Variants in GTF2H4 observed in about 807,000 individuals in gnomAD.
GTF2H4 encodes general transcription factor IIH subunit 4.
In GTF2H4, 49 loss-of-function variants were observed where a neutral mutation model predicts 62.2. The ratio of observed to expected loss-of-function variants is 0.79; its 90% CI spans 0.63 to 1.00. GTF2H4 has a LOEUF of 1.00. Among genes scored for constraint, GTF2H4 ranks in the 50% least tolerant of loss-of-function variants. The pLI is 0.00. For missense variants in GTF2H4, 479 were observed against 587.8 expected (o/e 0.81, Z 1.91); for synonymous variants, 189 against 233.8 (o/e 0.81, Z 1.75).
In GTF2H4 at chr6:30,911,261, A is replaced by T; in HGVS notation, c.664A>T (p.Thr222Ser). ...GTACTTTATGTTGCAGTATTTGCAG[A>T]CAGCCCAGGTGAGGAGGCAGGGCCA... The part of the protein sequence containing the change: ...LWYFMLQYLQ[T>S]AQSRGMDLVE... The change falls in exon 7 of 14, where the codon ACA becomes TCA. Residue 222 changes from threonine to serine, a missense_variant. Coordinates refer to ENST00000259895, the MANE Select transcript of GTF2H4 (RefSeq NM_001517.5). This position sits in a 1 kb window ranked among gnomAD's most constrained non-coding sequence, Gnocchi z 4.3. 1 of 1,612,822 alleles carries T rather than the reference A, an allele frequency of 6.2e-7. No homozygotes were observed. Among genetic ancestry groups the T allele is most frequent in the Non-Finnish European group, 8.5e-7 (1 of 1,179,510 alleles).
chr6:30,909,160 C>T lies in GTF2H4; in HGVS notation c.124C>T (p.Leu42=). Reference sequence around the variant, plus strand: ...ATTGTATGGGCACCCTGCCACATGTCTGGCTGTCTTCAGGTGAGAAGCCCC... The same window carrying T: ...ATTGTATGGGCACCCTGCCACATGTTTGGCTGTCTTCAGGTGAGAAGCCCC... The part of the protein sequence containing the change: ...DRLYGHPATC[L]AVFRELPSLA... The change falls in exon 2 of 14, where the codon CTG becomes TTG. Residue 42 remains leucine, a synonymous_variant. Coordinates refer to ENST00000259895, the MANE Select transcript of GTF2H4 (RefSeq NM_001517.5). This position sits in a 1 kb window ranked among gnomAD's most constrained non-coding sequence, Gnocchi z 4.3. The T allele has an allele frequency of 6.2e-7, 1 of 1,613,546 alleles. No individual in the cohort carries two copies. Among genetic ancestry groups the T allele is most frequent in the Middle Eastern group, 1.7e-4 (1 of 6,038 alleles).
At position 30,912,991 on chromosome 6, in the gene GTF2H4, A is replaced by G. The variant is rs1005658139; in HGVS notation, c.1090-119A>G. ...AGCTGAACTGGGATGGGTGGAGTTG[A>G]TGACAGGAGTTATGAGTTTTTAGAA... On this transcript the variant is annotated intron_variant, in intron 11 of 13. Coordinates refer to ENST00000259895, the MANE Select transcript of GTF2H4 (RefSeq NM_001517.5). This position sits in a 1 kb window ranked among gnomAD's most constrained non-coding sequence, Gnocchi z 4.8. 7 of 940,558 alleles carry G rather than the reference A, an allele frequency of 7.4e-6. No individual in the cohort carries two copies. In the African/African-American group the frequency reaches 9.8e-5, roughly 13 times the overall value. The allele number at this position is 940,558 out of a possible 1,614,324, so 58.3% of individuals were successfully genotyped here.
In GTF2H4 at chr6:30,909,417, A is replaced by G. The variant is rs1255935316; in HGVS notation, c.138-18A>G. On this transcript the variant is annotated intron_variant, in intron 2 of 13. Coordinates refer to ENST00000259895, the MANE Select transcript of GTF2H4 (RefSeq NM_001517.5). This position sits in a 1 kb window ranked among gnomAD's most constrained non-coding sequence, Gnocchi z 4.3. ...ATGCAGCTTCTGATACTAACCTTTG[A>G]CCTCTGTTCCTGTACAGGGAGCTCC... 2 of 1,553,796 alleles carry G rather than the reference A, an allele frequency of 1.3e-6. No individual in the cohort carries two copies. The highest frequency in any genetic ancestry group is 2.2e-5 in the South Asian group (2 of 89,266).
rs771378863 is a variant in GTF2H4 at position 30,913,337 on chromosome 6, A to G, written c.1166A>G (p.Asp389Gly). 1 of 1,613,372 alleles carries G rather than the reference A, an allele frequency of 6.2e-7. No homozygotes were observed. Among genetic ancestry groups the G allele is most frequent in the East Asian group, 2.2e-5 (1 of 44,886 alleles). Reference protein sequence around the residue: ...QTPVLPPTITDQIRLWELERD... With the variant: ...QTPVLPPTITGQIRLWELERD... ...CCTGTGCTGCCCCCCACCATCACCG[A>G]CCAGATCCGGCTCTGGGAGCTGGAA... The change falls in exon 13 of 14, where the codon GAC (aspartate) becomes GGC (glycine). Residue 389 changes from aspartate (D) to glycine (G), a missense_variant. Coordinates refer to ENST00000259895, the MANE Select transcript of GTF2H4 (RefSeq NM_001517.5). The surrounding 1 kb of genome is among the most constrained non-coding windows in gnomAD (Gnocchi z 4.2).
Position 30,910,905 on chromosome 6 carries a change from T to C in GTF2H4, c.524T>C (p.Leu175Ser). 1 of 1,611,648 alleles carries C rather than the reference T, an allele frequency of 6.2e-7. No homozygotes were observed. The highest frequency in any genetic ancestry group is 8.5e-7 in the Non-Finnish European group (1 of 1,179,460). The change falls in exon 6 of 14, where the codon TTG (leucine) becomes TCG (serine). Residue 175 changes from leucine (L) to serine (S), a missense_variant. Physicochemically the swap from Leu to Ser is moderately radical, Grantham distance 145. Transcript: ENST00000259895. The surrounding 1 kb of genome is among the most constrained non-coding windows in gnomAD (Gnocchi z 4.7). ...GSPSAAVSQD[L>S]AQLLSQAGLM... ...CCCAGTGCAGCTGTCAGCCAGGACT[T>C]GGCTCAGCTCCTCAGCCAGGCTGGG...
At position 30,909,052 on chromosome 6, in the gene GTF2H4, T is replaced by C. The variant is rs945169001; in HGVS notation, c.16T>C (p.Ser6Pro). ...TCCTCAGGTGATGGAGAGCACCCCTTCAAGGGGACTGAACCGAGTACACCT... is the reference window on the plus strand; with the variant it reads ...TCCTCAGGTGATGGAGAGCACCCCTCCAAGGGGACTGAACCGAGTACACCT... Reference protein sequence around the residue: MESTPSRGLNRVHLQC... With the variant: MESTPPRGLNRVHLQC... The change falls in exon 2 of 14, where the codon TCA (serine) becomes CCA (proline). Residue 6 changes from serine (S) to proline (P), a missense_variant. Transcript: ENST00000259895. The surrounding 1 kb of genome is among the most constrained non-coding windows in gnomAD (Gnocchi z 4.3). The C allele has an allele frequency of 3.1e-6, 5 of 1,614,006 alleles. No individual in the cohort carries two copies. The highest frequency in any genetic ancestry group is 1.3e-5 in the African/African-American group (1 of 74,918).
Position 30,913,727 on chromosome 6 carries a change from A to G in GTF2H4, c.1217-84A>G, listed in dbSNP as rs1163163007. ...CAGACCGCGTCCAGGGCTGCCACCA[A>G]GGAGCTGGGGGGATTCCCAATAGGA... is the stretch of plus-strand genomic sequence containing the variant. On this transcript the variant is annotated intron_variant, in intron 13 of 13. Transcript: ENST00000259895. This position sits in a 1 kb window ranked among gnomAD's most constrained non-coding sequence, Gnocchi z 4.2. The G allele has an allele frequency of 3.8e-6, 5 of 1,328,620 alleles. No individual in the cohort carries two copies. In the East Asian group the frequency reaches 1.3e-4, roughly 34 times the overall value. The allele number at this position is 1,328,620 out of a possible 1,614,324, so 82.3% of individuals were successfully genotyped here.
In GTF2H4 at chr6:30,909,788, A is replaced by AATT; in HGVS notation, c.243-143_243-141dup. On this transcript the variant is annotated intron_variant, in intron 3 of 13. Transcript: ENST00000259895. This position sits in a 1 kb window ranked among gnomAD's most constrained non-coding sequence, Gnocchi z 4.3. ...GGCTCTGATAAGTAATGCAGTAAAGAATTTGTCTTAGGAAGATACTAATTT... is the reference window on the plus strand; with the variant it reads ...GGCTCTGATAAGTAATGCAGTAAAGAATTATTTGTCTTAGGAAGATACTAATTT... 1.3e-6 allele frequency: 1 copy of AATT among 778,112 alleles called. No individual in the cohort carries two copies. The highest frequency in any genetic ancestry group is 2.1e-6 in the Non-Finnish European group (1 of 475,970). 48.2% of individuals were successfully genotyped at this position (778,112 alleles called of 1,614,324 possible).
chr6:30,913,345 C>G lies in GTF2H4; in HGVS notation c.1174C>G (p.Arg392Gly), dbSNP rs145276911. The G allele has an allele frequency of 6.4e-5, 104 of 1,613,242 alleles. No individual in the cohort carries two copies. The Middle Eastern group carries it at 8.2e-4, about 13-fold the overall frequency. The stretch of plus-strand genomic sequence containing the variant: ...GCCCCCCACCATCACCGACCAGATC[C>G]GGCTCTGGGAGCTGGAAAGGGACAG... ...VLPPTITDQI[R>G]LWELERDRLR... The change falls in exon 13 of 14, where the codon CGG becomes GGG. Residue 392 changes from arginine (R) to glycine (G), a missense_variant. Coordinates refer to ENST00000259895, the MANE Select transcript of GTF2H4 (RefSeq NM_001517.5). The surrounding 1 kb of genome is among the most constrained non-coding windows in gnomAD (Gnocchi z 4.2).
chr6:30,913,283 C>T lies in GTF2H4; in HGVS notation c.1138-26C>T, dbSNP rs1435909300. ...TTGTCTGGGGCAGTATTCTGAGTCCCTACAGTCAACCCTTGCTCCTTGCAG... is the reference window on the plus strand; with the variant it reads ...TTGTCTGGGGCAGTATTCTGAGTCCTTACAGTCAACCCTTGCTCCTTGCAG... On this transcript the variant is annotated intron_variant, in intron 12 of 13. Coordinates refer to ENST00000259895, the MANE Select transcript of GTF2H4 (RefSeq NM_001517.5). This position sits in a 1 kb window ranked among gnomAD's most constrained non-coding sequence, Gnocchi z 4.2. The T allele has an allele frequency of 3.7e-6, 6 of 1,613,706 alleles. No homozygotes were observed. The South Asian group carries it at 4.4e-5, about 12-fold the overall frequency.
Position 30,911,921 on chromosome 6 carries a change from G to T in GTF2H4, c.826-93G>T. Reference sequence around the variant, plus strand: ...CGGGGGAGAGAAGTTGGGGGTTGAGGTTCTGCATCTTGGGAGGGATCTGAT... The same window carrying T: ...CGGGGGAGAGAAGTTGGGGGTTGAGTTTCTGCATCTTGGGAGGGATCTGAT... On this transcript the variant is annotated intron_variant, in intron 9 of 13. Coordinates refer to ENST00000259895, the MANE Select transcript of GTF2H4 (RefSeq NM_001517.5). This position sits in a 1 kb window ranked among gnomAD's most constrained non-coding sequence, Gnocchi z 4.3. 1 of 1,516,870 alleles carries T rather than the reference G, an allele frequency of 6.6e-7. No homozygotes were observed. Among genetic ancestry groups the T allele is most frequent in the Non-Finnish European group, 9.0e-7 (1 of 1,108,820 alleles). 94.0% of individuals were successfully genotyped at this position (1,516,870 alleles called of 1,614,324 possible). A position where few individuals can be genotyped will look rare whatever the true frequency, so the allele number is the denominator to read the frequency against.
Position 30,912,318 on chromosome 6 carries a change from C to G in GTF2H4, c.959-10C>G. The G allele has an allele frequency of 6.2e-7, 1 of 1,612,816 alleles. No individual in the cohort carries two copies. The highest frequency in any genetic ancestry group is 8.5e-7 in the Non-Finnish European group (1 of 1,179,966). ...GTGGCCTCCTCATCCTCTTTCTATC[C>G]CTGGCTCAGAGTCGGAGCTGCAGAT... On this transcript the variant is annotated splice_polypyrimidine_tract_variant and intron_variant, in intron 10 of 13. Coordinates refer to ENST00000259895, the MANE Select transcript of GTF2H4 (RefSeq NM_001517.5). This position sits in a 1 kb window ranked among gnomAD's most constrained non-coding sequence, Gnocchi z 4.8.
Position 30,911,203 on chromosome 6 carries a change from G to A in GTF2H4, c.606G>A (p.Gln202=). The A allele has an allele frequency of 6.2e-7, 1 of 1,613,734 alleles. No individual in the cohort carries two copies. The highest frequency in any genetic ancestry group is 2.2e-5 in the East Asian group (1 of 44,882). ...EPPCITSAGF[Q]FLLLDTPAQL... ...CCTGCATTACTTCCGCTGGCTTCCA[G>A]TTCCTGTTGCTGGACACCCCGGCTC... The change falls in exon 7 of 14, where the codon CAG becomes CAA. Residue 202 remains glutamine (Q), a synonymous_variant. Transcript: ENST00000259895. The surrounding 1 kb of genome is among the most constrained non-coding windows in gnomAD (Gnocchi z 4.3).
Position 30,912,469 on chromosome 6 carries a change from T to C in GTF2H4, c.1089+11T>C, listed in dbSNP as rs1449839060. ...ATCACAGCCCAGCAGGTATTCCCAC[T>C]TGGGAGAGGTGGAGCAGGAAGACAG... On this transcript the variant is annotated intron_variant, in intron 11 of 13. Coordinates refer to ENST00000259895, the MANE Select transcript of GTF2H4 (RefSeq NM_001517.5). This position sits in a 1 kb window ranked among gnomAD's most constrained non-coding sequence, Gnocchi z 4.8. 6.2e-7 allele frequency: 1 copy of C among 1,611,640 alleles called. No individual in the cohort carries two copies. Among genetic ancestry groups the C allele is most frequent in the East Asian group, 2.2e-5 (1 of 44,864 alleles).
chr6:30,911,188 T>C lies in GTF2H4; in HGVS notation c.591T>C (p.Thr197=), dbSNP rs141405959. 56 of 1,613,724 alleles carry C rather than the reference T, an allele frequency of 3.5e-5. No homozygotes were observed. The African/African-American group carries it at 5.5e-4, about 16-fold the overall frequency. ...STEPGEPPCI[T]SAGFQFLLLD... is the part of the protein sequence containing the mutation. ...AACCTGGAGAGCCGCCCTGCATTACTTCCGCTGGCTTCCAGTTCCTGTTGC... is the reference window on the plus strand; with the variant it reads ...AACCTGGAGAGCCGCCCTGCATTACCTCCGCTGGCTTCCAGTTCCTGTTGC... The change falls in exon 7 of 14, where the codon ACT becomes ACC. Residue 197 remains threonine, a synonymous_variant. Transcript: ENST00000259895. This position sits in a 1 kb window ranked among gnomAD's most constrained non-coding sequence, Gnocchi z 4.3.
At position 30,913,407 on chromosome 6, in the gene GTF2H4, C is replaced by G. The variant is rs757855296; in HGVS notation, c.1216+20C>G. On this transcript the variant is annotated intron_variant, in intron 13 of 13. Coordinates refer to ENST00000259895, the MANE Select transcript of GTF2H4 (RefSeq NM_001517.5). The surrounding 1 kb of genome is among the most constrained non-coding windows in gnomAD (Gnocchi z 4.2). ...CTGAGGGTGAGTAGCTTCTGGTGGC[C>G]AAGTCTTGGTCATTGGCCAGAGAAA... is the stretch of plus-strand genomic sequence containing the variant. 1 of 1,611,132 alleles carries G rather than the reference C, an allele frequency of 6.2e-7. No homozygotes were observed. The highest frequency in any genetic ancestry group is 8.5e-7 in the Non-Finnish European group (1 of 1,179,212).
At position 30,911,660 on chromosome 6, in the gene GTF2H4, C is replaced by T; in HGVS notation, c.742-24C>T. 1.3e-6 allele frequency: 2 copies of T among 1,598,286 alleles called. No homozygotes were observed. The highest frequency in any genetic ancestry group is 1.7e-6 in the Non-Finnish European group (2 of 1,166,564). On this transcript the variant is annotated intron_variant, in intron 8 of 13. Coordinates refer to ENST00000259895, the MANE Select transcript of GTF2H4 (RefSeq NM_001517.5). This position sits in a 1 kb window ranked among gnomAD's most constrained non-coding sequence, Gnocchi z 4.3. ...GGTGGGTGGGTTGTGTTTTGGACCCCAGCTGGAAACCTCTGTTCCTCAGGA... is the reference window on the plus strand; with the variant it reads ...GGTGGGTGGGTTGTGTTTTGGACCCTAGCTGGAAACCTCTGTTCCTCAGGA...
In GTF2H4 at chr6:30,911,191, C is replaced by T. The variant is rs150834984; in HGVS notation, c.594C>T (p.Ser198=). ...CTGGAGAGCCGCCCTGCATTACTTCCGCTGGCTTCCAGTTCCTGTTGCTGG... is the reference window on the plus strand; with the variant it reads ...CTGGAGAGCCGCCCTGCATTACTTCTGCTGGCTTCCAGTTCCTGTTGCTGG... ...TEPGEPPCIT[S]AGFQFLLLDT... Residue 198 remains serine (S), a synonymous_variant, in exon 7 of 14, where the codon TCC becomes TCT. Transcript: ENST00000259895. This position sits in a 1 kb window ranked among gnomAD's most constrained non-coding sequence, Gnocchi z 4.3. 277 of 1,613,558 alleles carry T rather than the reference C, an allele frequency of 1.7e-4. No homozygotes were observed. The highest frequency in any genetic ancestry group is 2.1e-4 in the Non-Finnish European group (252 of 1,179,992).
chr6:30,909,972 A>T lies in GTF2H4; in HGVS notation c.283A>T (p.Ile95Phe). 6.2e-7 allele frequency: 1 copy of T among 1,612,944 alleles called. No homozygotes were observed. Among genetic ancestry groups the T allele is most frequent in the Non-Finnish European group, 8.5e-7 (1 of 1,179,984 alleles). ...ESTGLLSGLR[I>F]WHTQLLPGGL... ...TACAGGGCTGCTGAGCGGCCTCCGG[A>T]TCTGGCACACACAGCTGCTCCCAGG... Residue 95 changes from isoleucine (I) to phenylalanine (F), a missense_variant, in exon 4 of 14, where the codon ATC becomes TTC. Transcript: ENST00000259895. This position sits in a 1 kb window ranked among gnomAD's most constrained non-coding sequence, Gnocchi z 4.3.
Sources: allele counts gnomAD v4.1 joint callset, GRCh38; gene constraint gnomAD v4.1.1; non-coding constraint Gnocchi (gnomAD v3.1); transcripts MANE v1.5; gene names NCBI Gene and HGNC (gene_info 2026-07-23, HGNC 2026-07-21).